The following ITGB2 variants were observed in gnomAD, a reference collection of about 807,000 sequenced individuals.
The protein encoded by ITGB2 is integrin subunit beta 2, also known as integrin beta-2.
A neutral mutation model predicts 86.8 loss-of-function variants in ITGB2; 56 were observed. That is an observed-to-expected ratio of 0.65 (90% CI 0.52 to 0.81). The LOEUF is 0.81. Among genes scored for constraint, ITGB2 ranks in the 30% least tolerant of loss-of-function variants. ITGB2 has a pLI of 0.00. For synonymous variants in ITGB2, 457 were observed against 450.4 expected, an observed-to-expected ratio of 1.01 and a Z score of -0.19; for missense variants, 948 against 1,061.2, an observed-to-expected ratio of 0.89 and a Z score of 1.48.
At chr21:44,888,469 G>T (rs2083730824) in intron 14 of ITGB2, among the ~76,000 whole-genome samples, 1 of 152,228 alleles carries the variant, frequency 6.6e-6, no homozygotes, top group Non-Finnish European at 1.5e-5. Context: ...TGCCCAGCTT[G>T]ATGTGGGGTC....
chr21:44,910,594 A>G (rs759050912), intron 2 of ITGB2, 131 bp downstream of exon 2: 6 of 1,374,662 alleles, frequency 4.4e-6, no homozygotes, highest in African/African-American at 1.4e-5. Context: ...TGAGTCCCCG[A>G]CCTACCCCCA....
At position 44,903,430 on chromosome 21, in the gene ITGB2, T is replaced by C; in HGVS notation, c.434A>G (p.Asn145Ser). 2 of 1,614,054 alleles carry C rather than the reference T, an allele frequency of 1.2e-6. No homozygotes were observed. The highest frequency in any genetic ancestry group is 8.5e-7 in the Non-Finnish European group (1 of 1,179,948). The change falls in exon 5 of 16, where the codon AAT becomes AGT. Residue 145 changes from asparagine (N) to serine (S), a missense_variant. By Grantham distance (46) the Asn-to-Ser change is conservative. Transcript: ENST00000652462. ...CAGGTCGCCACCTAGCTTCTTGACA[T>C]TCCTGAGGTCATCAAGCATGGAGTA... ...LSYSMLDDLR[N>S]VKKLGGDLLR...
chr21:44,907,051 G>A lies in ITGB2; in HGVS notation c.192C>T (p.Thr64=). The change falls in exon 4 of 16, where the codon ACC becomes ACT. Residue 64 remains threonine (T), a synonymous_variant. Transcript: ENST00000652462. ...PGDPDSIRCD[T]RPQLLMRGCA... ...AGCCCCTCATGAGCAGCTGTGGCCG[G>A]GTGTCGCAGCGAATGGAGTCAGGAT... The A allele has an allele frequency of 6.2e-7, 1 of 1,611,956 alleles. No individual in the cohort carries two copies. The highest frequency in any genetic ancestry group is 1.1e-5 in the South Asian group (1 of 91,032).
chr21:44,908,892 A>T (rs2084085915), intron 3 of ITGB2, among the ~76,000 whole-genome samples: 1 of 152,220 alleles, frequency 6.6e-6, no homozygotes, highest in South Asian at 2.1e-4. Flanking sequence ...TGGACAGGAC[A>T]CGCAGCCAGA....
chr21:44,887,600 C>A (rs1344873863), intron 14 of ITGB2, among the ~76,000 whole-genome samples: 1 of 151,970 alleles, frequency 6.6e-6, no homozygotes, highest in Non-Finnish European at 1.5e-5. Context: ...CTCCCTGTGC[C>A]CCCTCCTGCC....
intron 13 of ITGB2, 62 bp downstream of exon 13, chr21:44,889,214 G>T: frequency 6.5e-7 from 1 of 1,526,870 alleles, no homozygotes; most frequent in Non-Finnish European, 9.0e-7. Context: ...GAGCCCGGCT[G>T]CTGGGTAGGT....
intron 14 of ITGB2, among the ~76,000 whole-genome samples, chr21:44,888,012 G>A (rs1601279449): frequency 6.6e-6 from 1 of 152,356 alleles, no homozygotes; most frequent in East Asian, 1.9e-4. Context: ...TGGAACATGA[G>A]ACCTGAAGAA....
chr21:44,893,334 C>T, intron 10 of ITGB2, 70 bp downstream of exon 10: 2 of 1,589,734 alleles, frequency 1.3e-6, no homozygotes, highest in South Asian at 2.2e-5. Flanking sequence ...GGATGGGGAC[C>T]CTGGCTCCTT....
At chr21:44,900,548 C>T (rs779493204) in intron 6 of ITGB2, 73 bp from the exon 7 acceptor site, 77 of 1,576,246 alleles carry the variant, frequency 4.9e-5, no homozygotes, top group Middle Eastern at 4.5e-4. Context: ...GCAGAGGAGA[C>T]GATGCAGAGC....
intron 4 of ITGB2, among the ~76,000 whole-genome samples, chr21:44,904,739 C>CCACACACATGCATTCACACCCATA (rs1445731770): frequency 2.6e-5 from 4 of 151,824 alleles, no homozygotes; most frequent in African/African-American, 9.7e-5. Flanking sequence ...TATACACATG[C>CCACACACATGCATTCACACCCATA]CACACACATG....
intron 1 of ITGB2, among the ~76,000 whole-genome samples, chr21:44,920,050 A>T (rs928080154): frequency 1.3e-5 from 2 of 152,152 alleles, no homozygotes; most frequent in Non-Finnish European, 2.9e-5. Flanking sequence ...AGAATCGCAC[A>T]GCGGTGCCCG....
intron 10 of ITGB2, among the ~76,000 whole-genome samples, chr21:44,892,738 A>C (rs7281826): frequency 0.054 from 8,246 of 152,112 alleles, 594 homozygotes; most frequent in African/African-American, 0.17. Context: ...GCTAGCAAAA[A>C]AAAAAACAAA....
chr21:44,906,874 G>A (rs751544492), intron 4 of ITGB2, 41 bp downstream of exon 4: 1 of 1,608,486 alleles, frequency 6.2e-7, no homozygotes, highest in Admixed American at 1.7e-5. Context: ...CCAATAACCA[G>A]CACAGACGGT....
chr21:44,886,611 AC>A, intron 15 of ITGB2, 124 bp downstream of exon 15: 1 of 1,482,612 alleles, frequency 6.7e-7, no homozygotes, highest in Non-Finnish European at 9.4e-7. Context: ...CGCCCAGAGG[AC>A]AAGCTGCCTG....
upstream of ITGB2, among the ~76,000 whole-genome samples, chr21:44,925,414 GGGAGGGAGGGAA>G (rs1433832453): frequency 6.0e-3 from 642 of 106,852 alleles, 5 homozygotes; most frequent in Middle Eastern, 8.2e-3. Flanking sequence ...AAGGAAGGGA[GGGAGGGAGGGAA>G]GGAAGGAAGG....
rs746545820 is a variant in ITGB2, at chr21:44,888,947, C to T, written c.1878-52G>A. On this transcript the variant is annotated intron_variant, in intron 13 of 15. Transcript: ENST00000652462. ...GTGCCAGGGTGTGCGGGGGCTCCGG[C>T]AACGGGGGCTCGGGCTTGGGTGTGT... is the stretch of plus-strand genomic sequence containing the variant. 13 of 1,555,116 alleles carry T rather than the reference C, an allele frequency of 8.4e-6. No individual in the cohort carries two copies. The East Asian group carries it at 1.6e-4, about 19-fold the overall frequency.
chr21:44,910,726 G>A lies in ITGB2; in HGVS notation c.57C>T (p.Cys19=), dbSNP rs533892661. Reference sequence around the variant, plus strand: ...CCCTCCGTGGAACACAGAACTCACCGCACCCGAGGGAGAGCAGCCCCACCA... The same window carrying A: ...CCCTCCGTGGAACACAGAACTCACCACACCCGAGGGAGAGCAGCCCCACCA... ...LALVGLLSLG[C]VLSQECTKFK... Residue 19 remains cysteine, a splice_region_variant and synonymous_variant, in exon 2 of 16, where the codon TGC becomes TGT. Transcript: ENST00000652462. 3.3e-5 allele frequency: 53 copies of A among 1,613,918 alleles called. No individual in the cohort carries two copies. In the East Asian group the frequency reaches 5.8e-4, roughly 18 times the overall value.
At chr21:44,921,140 G>C (rs931178165), upstream of ITGB2, 1 of 152,256 alleles carries the variant, frequency 6.6e-6, no homozygotes, top group African/African-American at 2.4e-5. Context: ...AGAGGGGCCC[G>C]GCCTCCAGGA....
In ITGB2 at chr21:44,901,658, G is replaced by A. The variant is rs375117940; in HGVS notation, c.575C>T (p.Pro192Leu). 1.0e-4 allele frequency: 161 copies of A among 1,614,142 alleles called. No individual in the cohort carries two copies. The highest frequency in any genetic ancestry group is 1.0e-4 in the Non-Finnish European group (120 of 1,180,056). The change falls in exon 6 of 16, where the codon CCC becomes CTC. Residue 192 changes from proline to leucine, a missense_variant. Coordinates refer to ENST00000652462, the MANE Select transcript of ITGB2 (RefSeq NM_000211.5). ...GGGCTGGCACTCTTTCTCCTTGTTGGGGCATGGGTTTCGCAGCTTATCAGG... is the reference window on the plus strand; with the variant it reads ...GGGCTGGCACTCTTTCTCCTTGTTGAGGCATGGGTTTCGCAGCTTATCAGG... ...THPDKLRNPC[P>L]NKEKECQPPF... is the part of the protein sequence containing the mutation.
Sources: allele counts gnomAD v4.1 joint callset (sites outside exome capture counted in the v4.1 genomes callset), GRCh38; gene constraint gnomAD v4.1.1; transcripts MANE v1.5; gene names NCBI Gene and HGNC (gene_info 2026-07-23, HGNC 2026-07-21).